The following RTN4R variants were observed in gnomAD, a reference collection of about 807,000 sequenced individuals.
RTN4R encodes reticulon 4 receptor.
A neutral mutation model predicts 27.7 loss-of-function variants in RTN4R; 4 were observed. The ratio of observed to expected loss-of-function variants is 0.14; its 90% CI spans 0.07 to 0.33. RTN4R has a LOEUF of 0.33. RTN4R is among the 10% of genes least tolerant of loss of function. The pLI is 1.00. For missense variants in RTN4R, 554 were observed against 671.5 expected, an observed-to-expected ratio of 0.83 and a Z score of 1.93; for synonymous variants, 290 against 305.6, an observed-to-expected ratio of 0.95 and a Z score of 0.53.
rs1390066390 is a variant in RTN4R, at chr22:20,255,027, G to A, written c.23-11917C>T. ...GACAGCCATGCTGGGGAGTGTGCTG[G>A]AGGAGACAGAGCTGGAGTAGAAGCT... On this transcript the variant is annotated intron_variant, in intron 1 of 1. Coordinates refer to ENST00000043402, the MANE Select transcript of RTN4R (RefSeq NM_023004.6). This position sits in a 1 kb window ranked among gnomAD's most constrained non-coding sequence, Gnocchi z 4.8. Among the ~76,000 whole-genome samples the A allele has an allele frequency of 1.3e-5, 2 of 152,208 alleles. No individual in the cohort carries two copies. Among genetic ancestry groups the A allele is most frequent in the Non-Finnish European group, 2.9e-5 (2 of 68,038 alleles).
intron 1 of RTN4R, among the ~76,000 whole-genome samples, chr22:20,259,296 G>A (rs2051230976): frequency 6.6e-6 from 1 of 152,228 alleles, no homozygotes; most frequent in Admixed American, 6.5e-5. Context: ...GAGGTATGTA[G>A]ATGGAATATC....
intron 1 of RTN4R, among the ~76,000 whole-genome samples, chr22:20,256,064 G>A (rs192070584): frequency 6.6e-6 from 1 of 152,342 alleles, no homozygotes; most frequent in African/African-American, 2.4e-5. Flanking sequence ...AGGGTGGGAG[G>A]CCCAGGTGCC....
At chr22:20,256,601 C>T (rs1602647650) in intron 1 of RTN4R, among the ~76,000 whole-genome samples, 2 of 152,176 alleles carry the variant, frequency 1.3e-5, no homozygotes, top group Admixed American at 1.3e-4. Flanking sequence ...GGCCTCAGCA[C>T]CTCTTCTGTT....
intron 1 of RTN4R, among the ~76,000 whole-genome samples, chr22:20,249,725 G>A (rs761336190): frequency 2.6e-5 from 4 of 152,314 alleles, no homozygotes; most frequent in African/African-American, 4.8e-5. Context: ...ATGCCGCTGC[G>A]GCAGAGGAAG....
At chr22:20,244,334 G>A (rs927597341) in intron 1 of RTN4R, among the ~76,000 whole-genome samples, 4 of 152,204 alleles carry the variant, frequency 2.6e-5, no homozygotes, top group African/African-American at 7.2e-5. Flanking sequence ...ACCCACATGG[G>A]GCCCCTGCCC....
intron 1 of RTN4R, among the ~76,000 whole-genome samples, chr22:20,252,873 G>C (rs147291998): frequency 2.0e-5 from 3 of 152,214 alleles, no homozygotes; most frequent in East Asian, 3.9e-4. Context: ...CCCCACACCA[G>C]TGATGTGAGG....
At position 20,242,539 on chromosome 22, in the gene RTN4R, G is replaced by A; in HGVS notation, c.594C>T (p.Phe198=). 1 of 1,613,636 alleles carries A rather than the reference G, an allele frequency of 6.2e-7. No individual in the cohort carries two copies. Among genetic ancestry groups the A allele is most frequent in the Non-Finnish European group, 8.5e-7 (1 of 1,179,980 alleles). ...NRISSVPERA[F]RGLHSLDRLL... is the part of the protein sequence containing the mutation. ...GACGGTCGAGGCTGTGCAGCCCACG[G>A]AAGGCGCGCTCGGGCACGCTGGAGA... The change falls in exon 2 of 2, where the codon TTC becomes TTT. Residue 198 remains phenylalanine, a synonymous_variant. Coordinates refer to ENST00000043402, the MANE Select transcript of RTN4R (RefSeq NM_023004.6).
chr22:20,264,212 G>A (rs1260954732), intron 1 of RTN4R, among the ~76,000 whole-genome samples: 3 of 152,248 alleles, frequency 2.0e-5, no homozygotes, highest in Non-Finnish European at 2.9e-5. Context: ...GCAGGAGGCC[G>A]GTGCAGGTTT....
At chr22:20,249,824 G>A (rs1253725238) in intron 1 of RTN4R, among the ~76,000 whole-genome samples, 1 of 152,228 alleles carries the variant, frequency 6.6e-6, no homozygotes, top group African/African-American at 2.4e-5. Context: ...TGTCCGAGCA[G>A]AATTTATTCT....
At position 20,242,741 on chromosome 22, in the gene RTN4R, C is replaced by T. The variant is rs144276737; in HGVS notation, c.392G>A (p.Arg131His). 125 of 1,612,568 alleles carry T rather than the reference C, an allele frequency of 7.8e-5. No individual in the cohort carries two copies. Among genetic ancestry groups the T allele is most frequent in the Admixed American group, 5.3e-4 (32 of 59,996 alleles). The change falls in exon 2 of 2, where the codon CGC becomes CAC. Residue 131 changes from arginine to histidine, a missense_variant. Transcript: ENST00000043402. ...VDPATFHGLG[R>H]LHTLHLDRCG... ...GCGGTCCAGGTGCAGCGTGTGTAGG[C>T]GGCCCAGGCCGTGGAATGTGGCAGG...
At chr22:20,267,988 G>C in intron 1 of RTN4R, 83 bp downstream of exon 1, 1 of 785,044 alleles carries the variant, frequency 1.3e-6, no homozygotes, top group South Asian at 5.9e-5. Context: ...CCCGGGACGG[G>C]CCCTGCGGCT....
rs2051115913 is a variant in RTN4R, at chr22:20,242,696, C to T, written c.437G>A (p.Gly146Asp). The stretch of plus-strand genomic sequence containing the variant: ...AGCCAGGCCGCGGAACAGCCCCGGG[C>T]CCAGCTCCTGCAGGCCGCAGCGGTC... Reference protein sequence around the residue: ...HLDRCGLQELGPGLFRGLAAL... With the variant: ...HLDRCGLQELDPGLFRGLAAL... The change falls in exon 2 of 2, where the codon GGC becomes GAC. Residue 146 changes from glycine to aspartate, a missense_variant. Physicochemically the swap from Gly to Asp is moderately conservative, Grantham distance 94 (BLOSUM62 -1). Around this residue, in one of 2 missense-constraint regions of RTN4R, gnomAD observed 413 missense variants for 542.3 expected, o/e 0.76. Transcript: ENST00000043402. 1 of 1,612,448 alleles carries T rather than the reference C, an allele frequency of 6.2e-7. No individual in the cohort carries two copies. Among genetic ancestry groups the T allele is most frequent in the Non-Finnish European group, 8.5e-7 (1 of 1,179,658 alleles).
At chr22:20,263,438 C>T (rs2051259104) in intron 1 of RTN4R, among the ~76,000 whole-genome samples, 1 of 152,252 alleles carries the variant, frequency 6.6e-6, no homozygotes, top group Non-Finnish European at 1.5e-5. Flanking sequence ...CAGCAGGTCC[C>T]ACATTTGACC....
chr22:20,252,648 A>G (rs1032888048), intron 1 of RTN4R, among the ~76,000 whole-genome samples: 16 of 152,126 alleles, frequency 1.1e-4, no homozygotes, highest in African/African-American at 3.9e-4. Context: ...CCAGGCGACC[A>G]GAGCAGACCC....
At chr22:20,252,637 C>T (rs112046335) in intron 1 of RTN4R, among the ~76,000 whole-genome samples, 172 of 152,262 alleles carry the variant, frequency 1.1e-3, no homozygotes, top group African/African-American at 4.0e-3. Flanking sequence ...CATCATCATC[C>T]CCAGGCGACC....
At position 20,241,690 on chromosome 22, in the gene RTN4R, C is replaced by T. The variant is rs552891154; in HGVS notation, c.*21G>A. 17 of 1,548,590 alleles carry T rather than the reference C, an allele frequency of 1.1e-5. No homozygotes were observed. The highest frequency in any genetic ancestry group is 1.4e-5 in the African/African-American group (1 of 72,992). ...TGTACACACACCTGGCTGCTGAGCACGCTCTTGTGTCCGCTGGGGGTCAGC... is the reference window on the plus strand; with the variant it reads ...TGTACACACACCTGGCTGCTGAGCATGCTCTTGTGTCCGCTGGGGGTCAGC... On this transcript the variant is annotated 3_prime_UTR_variant, in exon 2 of 2. Transcript: ENST00000043402.
intron 1 of RTN4R, among the ~76,000 whole-genome samples, chr22:20,251,647 C>T (rs1313688249): frequency 6.8e-6 from 1 of 146,530 alleles, no homozygotes; most frequent in Non-Finnish European, 1.5e-5. Context: ...CATCACCATC[C>T]TCATCACCAT....
chr22:20,267,630 G>A (rs1390975914), intron 1 of RTN4R: 2 of 468,740 alleles, frequency 4.3e-6, no homozygotes, highest in South Asian at 1.6e-5. Flanking sequence ...GGGAGGTTCT[G>A]AGCCCAGACC....
intron 1 of RTN4R, among the ~76,000 whole-genome samples, chr22:20,258,055 G>A (rs1432253918): frequency 6.6e-6 from 1 of 152,170 alleles, no homozygotes; most frequent in Non-Finnish European, 1.5e-5. Context: ...GCCTCTCCCT[G>A]GAGGACCTTC....
Sources: allele counts gnomAD v4.1 joint callset (sites outside exome capture counted in the v4.1 genomes callset), GRCh38; gene constraint gnomAD v4.1.1; regional missense constraint gnomAD v4.1.1; non-coding constraint Gnocchi (gnomAD v3.1); transcripts MANE v1.5; gene names NCBI Gene and HGNC (gene_info 2026-07-23, HGNC 2026-07-21).